The following CAMTA1 variants were observed in gnomAD, a reference collection of about 807,000 sequenced individuals.
CAMTA1 encodes the protein calmodulin-binding transcription activator 1.
A neutral mutation model predicts 170.9 loss-of-function variants in CAMTA1; 27 were observed. The observed-to-expected ratio is 0.16, with a 90% CI of 0.12 to 0.22. CAMTA1 has a LOEUF of 0.22. CAMTA1 is among the 10% of genes least tolerant of loss of function. The pLI, the probability that CAMTA1 is intolerant of heterozygous loss-of-function variation, is 1.00. For synonymous variants in CAMTA1, 833 were observed against 891.5 expected (o/e 0.93, Z 1.17); for missense variants, 1,619 against 2,217.2 (o/e 0.73, Z 5.42).
chr1:7,460,964 C>A (rs1294967957), intron 5 of CAMTA1, among the ~76,000 whole-genome samples: 9 of 152,048 alleles, frequency 5.9e-5, no homozygotes, highest in Non-Finnish European at 2.9e-5. Context: ...GCTCTCTGAC[C>A]CCTACCGGTG....
chr1:7,656,843 G>T (rs1266037529), intron 7 of CAMTA1, among the ~76,000 whole-genome samples: 1 of 152,240 alleles, frequency 6.6e-6, no homozygotes, highest in Non-Finnish European at 1.5e-5. Context: ...ATTTCATTTT[G>T]ATTATTCATA....
At chr1:7,098,889 G>C (rs1478547806) in intron 4 of CAMTA1, among the ~76,000 whole-genome samples, 1 of 152,158 alleles carries the variant, frequency 6.6e-6, no homozygotes, top group Non-Finnish European at 1.5e-5. Flanking sequence ...CAAGAGCTGA[G>C]GGTTGGCCTC....
intron 3 of CAMTA1, among the ~76,000 whole-genome samples, chr1:7,047,120 C>A (rs1057487730): frequency 6.6e-6 from 1 of 152,194 alleles, no homozygotes; most frequent in Non-Finnish European, 1.5e-5. Context: ...GAGGTGGAGG[C>A]TCCAGCAGCC....
chr1:6,960,485 G>C (rs1690194447), intron 3 of CAMTA1, among the ~76,000 whole-genome samples: 1 of 152,160 alleles, frequency 6.6e-6, no homozygotes, highest in African/African-American at 2.4e-5. Context: ...TTGGCACTGG[G>C]TCCAGATTTA....
At chr1:6,915,189 C>G (rs1005704112) in intron 3 of CAMTA1, among the ~76,000 whole-genome samples, 2 of 152,104 alleles carry the variant, frequency 1.3e-5, no homozygotes, top group African/African-American at 4.8e-5. Flanking sequence ...CTTTGTCAGG[C>G]AAAAGTGGAT....
intron 6 of CAMTA1, among the ~76,000 whole-genome samples, chr1:7,497,235 A>G (rs941697799): frequency 5.3e-5 from 8 of 152,088 alleles, no homozygotes; most frequent in Non-Finnish European, 1.2e-4. Context: ...CACCCATCAG[A>G]CACGATGGCT....
intron 3 of CAMTA1, among the ~76,000 whole-genome samples, chr1:6,830,146 C>T (rs1649211750): frequency 6.6e-6 from 1 of 151,674 alleles, no homozygotes. Context: ...ACGCCATTCT[C>T]CTGCCGTAGC....
chr1:6,813,311 T>C (rs1645398790), intron 1 of CAMTA1, among the ~76,000 whole-genome samples: 1 of 152,102 alleles, frequency 6.6e-6, no homozygotes, highest in Admixed American at 6.5e-5. Context: ...GAAACATGTC[T>C]TTTGACAGAC....
At chr1:7,446,031 G>A (rs2092672241) in intron 5 of CAMTA1, among the ~76,000 whole-genome samples, 1 of 152,156 alleles carries the variant, frequency 6.6e-6, no homozygotes, top group Non-Finnish European at 1.5e-5. Context: ...GGGGAGTTGG[G>A]CTGGTGGGTG....
intron 5 of CAMTA1, among the ~76,000 whole-genome samples, chr1:7,372,897 C>T (rs1301635733): frequency 6.6e-6 from 1 of 152,212 alleles, no homozygotes; most frequent in Non-Finnish European, 1.5e-5. Context: ...TGGCTGCACC[C>T]TGGTGGAGCA....
chr1:7,750,625 T>C (rs1346214113), intron 19 of CAMTA1, among the ~76,000 whole-genome samples: 1 of 152,218 alleles, frequency 6.6e-6, no homozygotes, highest in South Asian at 2.1e-4. Context: ...GTTTCACGGC[T>C]TCACCACCGT....
intron 5 of CAMTA1, among the ~76,000 whole-genome samples, chr1:7,383,602 AG>A (rs1173868097): frequency 3.3e-5 from 5 of 152,226 alleles, no homozygotes; most frequent in African/African-American, 1.2e-4. Flanking sequence ...CATAGGGCAC[AG>A]AGTGAGCTCC....
At position 6,786,122 on chromosome 1, in the gene CAMTA1, C is replaced by T. The variant is rs751239524; in HGVS notation, c.45+547C>T. ...CGGCGGGCAGGGCCAGATGTACTCT[C>T]TCCGGCACCCTCTTCAGCCCCGTGG... On this transcript the variant is annotated intron_variant, in intron 1 of 22. Transcript: ENST00000303635. Among the ~76,000 whole-genome samples, 152 of 152,030 alleles carry T rather than the reference C, an allele frequency of 1.0e-3. 2 individuals carry two copies. Among genetic ancestry groups the T allele is most frequent in the Middle Eastern group, 3.4e-3 (1 of 292 alleles).
rs115640104 is a variant in CAMTA1, at chr1:7,486,332, T to C, written c.510+18431T>C. Among the ~76,000 whole-genome samples the C allele has an allele frequency of 9.2e-3, 1,394 of 152,322 alleles. 24 individuals carry two copies. The highest frequency in any genetic ancestry group is 0.032 in the African/African-American group (1,313 of 41,568). On this transcript the variant is annotated intron_variant, in intron 6 of 22. Transcript: ENST00000303635. ...TACCAACATGATATCATGATATCCA[T>C]TGCAAAATTCTCAAAAATGTACCAG...
chr1:7,116,560 C>T (rs1277400234), intron 4 of CAMTA1, among the ~76,000 whole-genome samples: 2 of 152,174 alleles, frequency 1.3e-5, no homozygotes, highest in Non-Finnish European at 2.9e-5. Context: ...CAATATTTTA[C>T]AGCTGAATCC....
At chr1:6,916,382 G>A (rs1303292948) in intron 3 of CAMTA1, among the ~76,000 whole-genome samples, 2 of 152,180 alleles carry the variant, frequency 1.3e-5, no homozygotes, top group African/African-American at 2.4e-5. Flanking sequence ...CCGAGTTCCT[G>A]TAAGGCCCGC....
In CAMTA1 at chr1:7,228,666, C is replaced by A. The variant is rs566065479; in HGVS notation, c.303-20825C>A. 2.0e-5 allele frequency among the ~76,000 whole-genome samples: 3 copies of A among 152,178 alleles called. No individual in the cohort carries two copies. The East Asian group carries it at 5.8e-4, about 29-fold the overall frequency. ...GAAGCAAGAGCACCTACAGGGGCCTCGGACCGGGGATGGCGTTGCGGCACA... is the reference window on the plus strand; with the variant it reads ...GAAGCAAGAGCACCTACAGGGGCCTAGGACCGGGGATGGCGTTGCGGCACA... On this transcript the variant is annotated intron_variant, in intron 4 of 22. Transcript: ENST00000303635.
At chr1:7,128,204 G>C (rs1645042229) in intron 4 of CAMTA1, among the ~76,000 whole-genome samples, 1 of 152,110 alleles carries the variant, frequency 6.6e-6, no homozygotes, top group Non-Finnish European at 1.5e-5. Flanking sequence ...CCTGTGCCCG[G>C]TTTCCCCCTA....
intron 1 of CAMTA1, among the ~76,000 whole-genome samples, chr1:6,786,421 C>T (rs568734920): frequency 1.1e-4 from 16 of 152,288 alleles, no homozygotes; most frequent in Non-Finnish European, 2.2e-4. Flanking sequence ...GACCCCGATC[C>T]TTCCTTGGCA....
Sources: allele counts gnomAD v4.1 joint callset (sites outside exome capture counted in the v4.1 genomes callset), GRCh38; gene constraint gnomAD v4.1.1; transcripts MANE v1.5; gene names NCBI Gene and HGNC (gene_info 2026-07-23, HGNC 2026-07-21).